The following SHOX variants were observed in gnomAD, a reference collection of about 807,000 sequenced individuals.
SHOX encodes the protein SHOX homeobox.
In SHOX, 12 loss-of-function variants were observed where a neutral mutation model predicts 29.6. That is an observed-to-expected ratio of 0.41 (90% CI 0.26 to 0.66). The LOEUF (loss-of-function observed/expected upper bound fraction) is 0.66, where lower values mean the gene tolerates loss of function less well. Among genes scored for constraint, SHOX ranks in the 30% least tolerant of loss-of-function variants. The pLI is 0.35. For missense variants in SHOX, 499 were observed against 437.7 expected (o/e 1.14, Z -1.25); for synonymous variants, 214 against 200.6 (o/e 1.07, Z -0.57).
At position 649,156 on chromosome X, in the gene SHOX, G is replaced by A. The variant is rs772644169; in HGVS notation, c.*4520G>A. 6.6e-6 allele frequency among the ~76,000 whole-genome samples: 1 copy of A among 152,110 alleles called. No homozygotes were observed. Among genetic ancestry groups the A allele is most frequent in the South Asian group, 2.1e-4 (1 of 4,804 alleles). On this transcript the variant is annotated 3_prime_UTR_variant, in exon 5 of 5. Transcript: ENST00000686671. ...GGCTTCAAGAAATTCTCCTGCCTCA[G>A]CCTCCCAAGTAGCTGGGATGACAGG...
Position 624,669 on chromosome X carries a change from C to CTTT in SHOX, c.-433+67_-433+68insTTT, listed in dbSNP as rs1311182940. On this transcript the variant is annotated intron_variant, in intron 1 of 5. Transcript: ENST00000334060. The stretch of plus-strand genomic sequence containing the variant: ...CTTTGCCTTCTTTCCTTTCTTCGTT[C>CTTT]CTTCCTTCCTTCCTTCCTCTCTTCC... 1.5e-3 allele frequency: 218 copies of CTTT among 143,684 alleles called. 4 individuals are homozygous for CTTT. Among genetic ancestry groups the CTTT allele is most frequent in the African/African-American group, 5.4e-3 (203 of 37,564 alleles). 8.9% of individuals were successfully genotyped at this position (143,684 alleles called of 1,614,324 possible).
Position 630,803 on chromosome X carries a change from G to C in SHOX, c.-95G>C. 6.8e-7 allele frequency: 1 copy of C among 1,465,404 alleles called. No homozygotes were observed. The highest frequency in any genetic ancestry group is 1.1e-5 in the South Asian group (1 of 87,488). 90.8% of individuals were successfully genotyped at this position (1,465,404 alleles called of 1,614,324 possible). ...CCAATGGAAAGGCGTAAATAACAGC[G>C]CTGGTGATCCACCCGCGCGCACGGG... is the stretch of plus-strand genomic sequence containing the variant. On this transcript the variant is annotated 5_prime_UTR_variant, in exon 1 of 5. Coordinates refer to ENST00000686671, the MANE Select transcript of SHOX (RefSeq NM_000451.4).
chrX:634,649 C>G lies in SHOX; in HGVS notation c.309C>G (p.Asp103Glu), dbSNP rs773058151. 3.7e-6 allele frequency: 6 copies of G among 1,613,742 alleles called. No individual in the cohort carries two copies. The highest frequency in any genetic ancestry group is 1.3e-5 in the African/African-American group (1 of 74,934). The change falls in exon 2 of 5, where the codon GAC becomes GAG. Residue 103 changes from aspartate to glutamate, a missense_variant. By Grantham distance (45) the Asp-to-Glu change is conservative (BLOSUM62 2). Coordinates refer to ENST00000686671, the MANE Select transcript of SHOX (RefSeq NM_000451.4). ...ATGAATGCAAAGAGAAGCGCGAGGA[C>G]GTGAAGTCGGAGGACGAGGACGGGC... is the stretch of plus-strand genomic sequence containing the variant. The part of the protein sequence containing the change: ...GIYECKEKRE[D>E]VKSEDEDGQT...
At chrX:637,160 C>G (rs990964032) in intron 2 of SHOX, among the ~76,000 whole-genome samples, 3 of 151,886 alleles carry the variant, frequency 2.0e-5, no homozygotes, top group African/African-American at 7.3e-5. Context: ...CTTAGGGCGT[C>G]TGTGGCCTCA....
Position 644,699 on chromosome X carries a change from C to A in SHOX, c.*63C>A. 5 of 1,361,838 alleles carry A rather than the reference C, an allele frequency of 3.7e-6. No homozygotes were observed. The highest frequency in any genetic ancestry group is 4.7e-6 in the Non-Finnish European group (5 of 1,067,008). 84.4% of individuals were successfully genotyped at this position (1,361,838 alleles called of 1,614,324 possible). ...CTCCGCGCACCCCGCCTGCACCGCG[C>A]GTCCTGCACTCAACCCCGCCTGGAG... On this transcript the variant is annotated 3_prime_UTR_variant, in exon 5 of 5. Coordinates refer to ENST00000686671, the MANE Select transcript of SHOX (RefSeq NM_000451.4).
chrX:651,455 G>A lies in SHOX; in HGVS notation c.*6819G>A, dbSNP rs756928278. 12 of 450,494 alleles carry A rather than the reference G, an allele frequency of 2.7e-5. No individual in the cohort carries two copies. Among genetic ancestry groups the A allele is most frequent in the South Asian group, 4.8e-5 (3 of 63,038 alleles). 27.9% of individuals were successfully genotyped at this position (450,494 alleles called of 1,614,324 possible). A position where few individuals can be genotyped will look rare whatever the true frequency, so the allele number is the denominator to read the frequency against. ...AACCACCCTGAGTTTCTCTGGTGAC[G>A]CCCTCATTCTCCTAACGTTCAATAA... On this transcript the variant is annotated 3_prime_UTR_variant, in exon 5 of 5. Transcript: ENST00000686671.
chrX:624,902 C>CTT (rs754320196), intron 1 of SHOX, among the ~76,000 whole-genome samples: 3,005 of 55,636 alleles, frequency 0.054, 101 homozygotes, highest in Non-Finnish European at 0.074. Flanking sequence ...TTCTTTCTTT[C>CTT]TCTCTTCCTT....
Position 641,961 on chromosome X carries a change from C to T in SHOX, c.633+874C>T, listed in dbSNP as rs761372484. Among the ~76,000 whole-genome samples the T allele has an allele frequency of 5.1e-3, 772 of 152,274 alleles. 7 individuals are homozygous for T. Among genetic ancestry groups the T allele is most frequent in the Non-Finnish European group, 8.4e-3 (571 of 68,012 alleles). The stretch of plus-strand genomic sequence containing the variant: ...CCCCTGGCCCCTGGCTTGGGCTCTG[C>T]ACCTCTGAGCTGGAGACACCCTACT... On this transcript the variant is annotated intron_variant, in intron 4 of 4. Coordinates refer to ENST00000686671, the MANE Select transcript of SHOX (RefSeq NM_000451.4).
At chrX:640,762 C>T in intron 2 of SHOX, 59 bp from the exon 3 acceptor site, 1 of 1,594,728 alleles carries the variant, frequency 6.3e-7, no homozygotes. Flanking sequence ...AGGATGCTCC[C>T]TGGGGAGGCT....
upstream of SHOX, chrX:630,755 G>T (rs1471821398): frequency 3.7e-6 from 4 of 1,067,116 alleles, no homozygotes; most frequent in Admixed American, 4.0e-5. Flanking sequence ...GGGCGAGGTC[G>T]CCGCGTATAA....
In SHOX at chrX:641,025, C is replaced by T. The variant is rs777833682; in HGVS notation, c.571C>T (p.Leu191=). 2.5e-6 allele frequency: 4 copies of T among 1,613,898 alleles called. No homozygotes were observed. In the South Asian group the frequency reaches 3.3e-5, roughly 13 times the overall value. Residue 191 remains leucine (L), a synonymous_variant, in exon 4 of 5, where the codon CTA becomes TTA. Transcript: ENST00000686671. ...CGTCATCTTGGGCACAGCCAACCAC[C>T]TAGACGCCTGCCGAGTGGCACCCTA... The part of the protein sequence containing the change: ...KGVILGTANH[L]DACRVAPYVN...
intron 2 of SHOX, among the ~76,000 whole-genome samples, chrX:635,329 CT>C (rs1299182400): frequency 6.6e-6 from 1 of 152,154 alleles, no homozygotes; most frequent in African/African-American, 2.4e-5. Context: ...CTTTTGGCCC[CT>C]GATTCCCCTC....
intron 1 of SHOX, among the ~76,000 whole-genome samples, chrX:624,835 C>CTTCGTTCT (rs2052478823): frequency 7.1e-6 from 1 of 139,864 alleles, no homozygotes; most frequent in African/African-American, 2.6e-5. Flanking sequence ...TCTTTCCTTC[C>CTTCGTTCT]TTCCTTCCTC....
At position 648,576 on chromosome X, in the gene SHOX, G is replaced by A. The variant is rs2052997345; in HGVS notation, c.*3940G>A. 6.6e-6 allele frequency among the ~76,000 whole-genome samples: 1 copy of A among 152,210 alleles called. No individual in the cohort carries two copies. Among genetic ancestry groups the A allele is most frequent in the African/African-American group, 2.4e-5 (1 of 41,450 alleles). On this transcript the variant is annotated 3_prime_UTR_variant, in exon 5 of 5. Transcript: ENST00000686671. ...AGTTACTGACTCTCAACTGTGCGGG[G>A]ACGGTTTCAGTTTGATTTAATATGG...
chrX:650,808 A>AAAC lies in SHOX; in HGVS notation c.*6174_*6175insCAA, dbSNP rs1556473189. On this transcript the variant is annotated 3_prime_UTR_variant, in exon 5 of 5. Transcript: ENST00000686671. Reference sequence around the variant, plus strand: ...GTTTGACATTAAAAAAAAAAAAAAAAAAAAAAAAAAACTGGTGCCTAATTT... The same window carrying AAAC: ...GTTTGACATTAAAAAAAAAAAAAAAAAACAAAAAAAAAAACTGGTGCCTAATTT... Among the ~76,000 whole-genome samples the AAAC allele has an allele frequency of 2.2e-3, 320 of 147,150 alleles. 4 individuals are homozygous for AAAC. Among genetic ancestry groups the AAAC allele is most frequent in the African/African-American group, 7.1e-3 (282 of 39,642 alleles).
At position 644,916 on chromosome X, in the gene SHOX, G is replaced by T; in HGVS notation, c.*280G>T. 3 of 437,252 alleles carry T rather than the reference G, an allele frequency of 6.9e-6. No individual in the cohort carries two copies. The highest frequency in any genetic ancestry group is 1.2e-5 in the Non-Finnish European group (3 of 252,802). The allele number at this position is 437,252 out of a possible 1,614,324, so 27.1% of individuals were successfully genotyped here. On this transcript the variant is annotated 3_prime_UTR_variant, in exon 5 of 5. Transcript: ENST00000686671. ...GCTGCCCGTGCGTCCTGGGACCCTG[G>T]AGAAGGGTAAACCCCCGCCTGGCTG...
chrX:634,781 C>T lies in SHOX; in HGVS notation c.441C>T (p.Arg147=), dbSNP rs769555283. ...CCCATTACCCCGACGCCTTCATGCG[C>T]GAGGAGCTCAGCCAGCGCCTGGGGC... is the stretch of plus-strand genomic sequence containing the variant. The part of the protein sequence containing the change: ...DETHYPDAFM[R]EELSQRLGLS... The change falls in exon 2 of 5, where the codon CGC becomes CGT. Residue 147 remains arginine, a synonymous_variant. Transcript: ENST00000686671. The T allele has an allele frequency of 1.1e-5, 18 of 1,602,588 alleles. 1 individual carries two copies. In the East Asian group the frequency reaches 3.4e-4, roughly 30 times the overall value.
At chrX:652,879 C>T (rs1402496317), downstream of SHOX, among the ~76,000 whole-genome samples, 1 of 62,402 alleles carries the variant, frequency 1.6e-5, no homozygotes, top group Non-Finnish European at 3.2e-5. Flanking sequence ...CGTCCATCTC[C>T]AGCCTGTTTT....
intron 1 of SHOX, chrX:631,857 G>T (rs1359454118): frequency 6.6e-6 from 3 of 455,568 alleles, no homozygotes; most frequent in Non-Finnish European, 4.4e-6. Context: ...TAGGATGTGT[G>T]TTTCTGTCTC....
Sources: allele counts gnomAD v4.1 joint callset (sites outside exome capture counted in the v4.1 genomes callset), GRCh38; gene constraint gnomAD v4.1.1; transcripts MANE v1.5; gene names NCBI Gene and HGNC (gene_info 2026-07-23, HGNC 2026-07-21).